RRM2B: variants seen among roughly 807,000 people sequenced by gnomAD.
RRM2B encodes the protein ribonucleotide reductase regulatory TP53 inducible subunit M2B, also known as ribonucleoside-diphosphate reductase subunit M2 B.
A neutral mutation model predicts 45.9 loss-of-function variants in RRM2B; 20 were observed. The observed-to-expected ratio is 0.44, with a 90% CI of 0.31 to 0.63. The LOEUF is 0.63. Among genes scored for constraint, RRM2B ranks in the 30% least tolerant of loss-of-function variants. The pLI is 0.09. For missense variants in RRM2B, 320 were observed against 414.7 expected, an observed-to-expected ratio of 0.77 and a Z score of 1.98; for synonymous variants, 124 against 132.3, an observed-to-expected ratio of 0.94 and a Z score of 0.43.
At chr8:102,225,075 C>T in intron 3 of RRM2B, 57 bp from the exon 4 acceptor site, 1 of 1,583,766 alleles carries the variant, frequency 6.3e-7, no homozygotes, top group Non-Finnish European at 8.7e-7. Context: ...TTAAACACTG[C>T]AAATCAGAAT....
chr8:102,217,178 CCA>C (rs138306249), intron 6 of RRM2B, among the ~76,000 whole-genome samples: 238 of 152,000 alleles, frequency 1.6e-3, no homozygotes, highest in African/African-American at 5.4e-3. Flanking sequence ...GTGCTTAATG[CCA>C]CAGAAAAATG....
At chr8:102,236,708 C>G (rs1469883763) in intron 1 of RRM2B, among the ~76,000 whole-genome samples, 1 of 152,166 alleles carries the variant, frequency 6.6e-6, no homozygotes, top group Non-Finnish European at 1.5e-5. Flanking sequence ...ATTATTATAG[C>G]CGCACAGGTG....
chr8:102,210,063 T>C (rs1810609709), intron 8 of RRM2B, among the ~76,000 whole-genome samples: 1 of 152,220 alleles, frequency 6.6e-6, no homozygotes, highest in Admixed American at 6.5e-5. Context: ...TATGGGGTGA[T>C]AAAAATGTTC....
intron 2 of RRM2B, among the ~76,000 whole-genome samples, chr8:102,228,437 G>C (rs912276426): frequency 6.6e-6 from 1 of 152,232 alleles, no homozygotes; most frequent in African/African-American, 2.4e-5. Flanking sequence ...ACAAGAGCGT[G>C]GGTGCCACAG....
chr8:102,220,899 G>A (rs531835452), intron 5 of RRM2B, among the ~76,000 whole-genome samples: 5 of 152,138 alleles, frequency 3.3e-5, no homozygotes, highest in East Asian at 1.9e-4. Context: ...AGAGGGTTCC[G>A]GAACATTTCT....
At position 102,230,186 on chromosome 8, in the gene RRM2B, G is replaced by A. The variant is rs1221283354; in HGVS notation, c.204+1963C>T. Reference sequence around the variant, plus strand: ...GTTTCTGTTGATCAGCCATATTTAAGAATTAAGCTCAACCATTTAAGCTGA... The same window carrying A: ...GTTTCTGTTGATCAGCCATATTTAAAAATTAAGCTCAACCATTTAAGCTGA... On this transcript the variant is annotated intron_variant, in intron 2 of 8. Transcript: ENST00000251810. 2.0e-5 allele frequency among the ~76,000 whole-genome samples: 3 copies of A among 152,150 alleles called. No homozygotes were observed. In the East Asian group the frequency reaches 5.8e-4, roughly 29 times the overall value.
At position 102,214,129 on chromosome 8, in the gene RRM2B, C is replaced by T; in HGVS notation, c.714G>A (p.Met238Ile). ...AAGGCTTATTTACTAAGTATTGGAACATCAGGCAAGCAAAGTCACAGTGAA... is the reference window on the plus strand; with the variant it reads ...AAGGCTTATTTACTAAGTATTGGAATATCAGGCAAGCAAAGTCACAGTGAA... ...EGLHCDFACLMFQYLVNKPSE... is the reference protein window; with the variant it reads ...EGLHCDFACLIFQYLVNKPSE... Residue 238 changes from methionine (M) to isoleucine (I), a missense_variant, in exon 7 of 9, where the codon ATG (methionine) becomes ATA (isoleucine). Physicochemically the swap from Met to Ile is conservative, Grantham distance 10 (BLOSUM62 1). Coordinates refer to ENST00000251810, the MANE Select transcript of RRM2B (RefSeq NM_015713.5). 2 of 1,613,466 alleles carry T rather than the reference C, an allele frequency of 1.2e-6. No individual in the cohort carries two copies. The highest frequency in any genetic ancestry group is 2.2e-5 in the South Asian group (2 of 91,080).
At chr8:102,237,486 C>T (rs1811140942) in intron 1 of RRM2B, among the ~76,000 whole-genome samples, 2 of 152,170 alleles carry the variant, frequency 1.3e-5, no homozygotes, top group South Asian at 4.1e-4. Flanking sequence ...CAAAATACTC[C>T]AAGTGACTCT....
chr8:102,213,759 T>C (rs1358547918), intron 7 of RRM2B, among the ~76,000 whole-genome samples: 3 of 152,076 alleles, frequency 2.0e-5, no homozygotes, highest in African/African-American at 7.2e-5. Flanking sequence ...AAAAAGCTAC[T>C]ATAATTAGCT....
At chr8:102,218,698 C>T in intron 6 of RRM2B, 116 bp downstream of exon 6, 1 of 866,230 alleles carries the variant, frequency 1.2e-6, no homozygotes, top group South Asian at 1.5e-5. Flanking sequence ...TGTATGCCAG[C>T]CTGGGTGACA....
At chr8:102,235,499 A>C (rs1357770767) in intron 1 of RRM2B, among the ~76,000 whole-genome samples, 1 of 152,246 alleles carries the variant, frequency 6.6e-6, no homozygotes, top group Admixed American at 6.5e-5. Flanking sequence ...ACAACAACAA[A>C]GTTACAAACA....
intron 1 of RRM2B, among the ~76,000 whole-genome samples, chr8:102,238,123 A>G (rs994459524): frequency 2.0e-5 from 3 of 152,236 alleles, no homozygotes; most frequent in Non-Finnish European, 2.9e-5. Flanking sequence ...AGGTACTTTT[A>G]TCAGCATAAA....
At chr8:102,237,561 T>A (rs569748546) in intron 1 of RRM2B, among the ~76,000 whole-genome samples, 2 of 152,328 alleles carry the variant, frequency 1.3e-5, no homozygotes, top group South Asian at 4.1e-4. Context: ...CAACCCAGCA[T>A]CTCAAGTTAA....
chr8:102,234,786 A>C, intron 1 of RRM2B: 1 of 154,068 alleles, frequency 6.5e-6, no homozygotes, highest in South Asian at 2.0e-4. Context: ...GAAGGCAGAG[A>C]TTGCAGTGAG....
Position 102,224,954 on chromosome 8 carries a change from A to G in RRM2B, c.386T>C (p.Leu129Pro), listed in dbSNP as rs1810903275. 6.2e-7 allele frequency: 1 copy of G among 1,614,118 alleles called. No individual in the cohort carries two copies. Among genetic ancestry groups the G allele is most frequent in the Non-Finnish European group, 8.5e-7 (1 of 1,179,954 alleles). Residue 129 changes from leucine to proline, a missense_variant, in exon 4 of 9, where the codon CTC becomes CCC. Around this residue, in one of 3 missense-constraint regions of RRM2B, gnomAD observed 225 missense variants for 289.4 expected, o/e 0.78. Coordinates refer to ENST00000251810, the MANE Select transcript of RRM2B (RefSeq NM_015713.5). ...EARCFYGFQI[L>P]IENVHSEMYS... is the part of the protein sequence containing the mutation. ...CATCTCTGAGTGAACATTCTCGATGAGAATTTGAAAGCCATAGAAACAGCG... is the reference window on the plus strand; with the variant it reads ...CATCTCTGAGTGAACATTCTCGATGGGAATTTGAAAGCCATAGAAACAGCG...
chr8:102,225,929 T>C lies in RRM2B; in HGVS notation c.310A>G (p.Asn104Asp). 6.3e-7 allele frequency: 1 copy of C among 1,593,840 alleles called. No homozygotes were observed. Among genetic ancestry groups the C allele is most frequent in the Non-Finnish European group, 8.6e-7 (1 of 1,161,792 alleles). The change falls in exon 3 of 9, where the codon AAT (asparagine) becomes GAT (aspartate). Residue 104 changes from asparagine to aspartate, a missense_variant. Around this residue, in one of 3 missense-constraint regions of RRM2B, gnomAD observed 225 missense variants for 289.4 expected, o/e 0.78. Transcript: ENST00000251810. ...AFFAASDGIV[N>D]ENLVERFSQE... The stretch of plus-strand genomic sequence containing the variant: ...AGCAAAAATCTTACCAAATTTTCAT[T>C]TACAATTCCATCACTGGCTGCAAAA...
chr8:102,225,225 A>ATT (rs1810909227), intron 3 of RRM2B, among the ~76,000 whole-genome samples: 1 of 132,796 alleles, frequency 7.5e-6, no homozygotes, highest in Non-Finnish European at 1.6e-5. Context: ...TGCATAGTAT[A>ATT]TTCTTTTTTT....
chr8:102,235,606 C>T (rs1221386626), intron 1 of RRM2B, among the ~76,000 whole-genome samples: 3 of 152,062 alleles, frequency 2.0e-5, no homozygotes, highest in African/African-American at 2.4e-5. Context: ...TTTCGGAGGC[C>T]GAGGCGGGCG....
At chr8:102,224,386 G>C (rs556061097) in intron 4 of RRM2B, among the ~76,000 whole-genome samples, 1 of 152,244 alleles carries the variant, frequency 6.6e-6, no homozygotes, top group South Asian at 2.1e-4. Context: ...GTGTTAGCCA[G>C]GATGGTCTCA....
Sources: gnomAD v4.1 joint callset for allele counts (sites outside exome capture counted in the v4.1 genomes callset) on GRCh38, gnomAD v4.1.1 for gene constraint, gnomAD v4.1.1 regional missense constraint, MANE v1.5 for transcripts, NCBI Gene and HGNC (gene_info 2026-07-23, HGNC 2026-07-21) for gene names.